USH2A: variants seen among roughly 807,000 people sequenced by gnomAD.
USH2A encodes usherin.
In USH2A, 443 loss-of-function variants were observed where a neutral mutation model predicts 538.9. That is an observed-to-expected ratio of 0.82 (90% CI 0.76 to 0.89). The LOEUF (loss-of-function observed/expected upper bound fraction) is 0.89. USH2A is among the 40% of genes least tolerant of loss of function. The pLI is 0.00. For missense variants in USH2A, 6,633 were observed against 6,324.8 expected (o/e 1.05, Z -1.65); for synonymous variants, 2,413 against 2,273.5 (o/e 1.06, Z -1.75).
At chr1:215,706,269 T>C (rs1659182367) in intron 61 of USH2A, among the ~76,000 whole-genome samples, 1 of 152,190 alleles carries the variant, frequency 6.6e-6, no homozygotes, top group Non-Finnish European at 1.5e-5. Context: ...TCTAATGCTA[T>C]TTCTTCATAC....
intron 21 of USH2A, among the ~76,000 whole-genome samples, chr1:216,117,276 C>A (rs1402283890): frequency 6.6e-6 from 1 of 152,082 alleles, no homozygotes; most frequent in Non-Finnish European, 1.5e-5. Context: ...ATATTTATCT[C>A]CAAATACGTA....
At chr1:215,642,922 G>C (rs774318986) in intron 67 of USH2A, among the ~76,000 whole-genome samples, 22 of 152,094 alleles carry the variant, frequency 1.4e-4, no homozygotes, top group Non-Finnish European at 2.8e-4. Context: ...GTGTTGTTAG[G>C]CTTCTTCTCC....
chr1:216,256,228 A>G (rs1054119755), intron 11 of USH2A, among the ~76,000 whole-genome samples: 3 of 151,300 alleles, frequency 2.0e-5, no homozygotes, highest in Admixed American at 2.0e-4. Flanking sequence ...TATTTAGAAT[A>G]TGTAAATTTA....
chr1:216,078,463 G>A (rs2031829652), intron 26 of USH2A, 101 bp from the exon 27 acceptor site: 1 of 1,135,346 alleles, frequency 8.8e-7, no homozygotes, highest in African/African-American at 1.5e-5. Context: ...AAGCAAAACA[G>A]TTCCCTGAAA....
At chr1:216,180,745 G>A (rs569534193) in intron 20 of USH2A, among the ~76,000 whole-genome samples, 5 of 152,212 alleles carry the variant, frequency 3.3e-5, no homozygotes, top group African/African-American at 1.2e-4. Flanking sequence ...TCAGGGGTGG[G>A]TGGGGAGCAG....
chr1:215,894,527 T>C (rs1398659195), intron 40 of USH2A, among the ~76,000 whole-genome samples: 1 of 152,134 alleles, frequency 6.6e-6, no homozygotes, highest in Non-Finnish European at 1.5e-5. Context: ...GTTGTGAGAA[T>C]AAAAACAGGA....
At chr1:216,244,489 C>T (rs1028028458) in intron 13 of USH2A, among the ~76,000 whole-genome samples, 8 of 151,970 alleles carry the variant, frequency 5.3e-5, no homozygotes, top group African/African-American at 1.9e-4. Context: ...CAGGAAAGAG[C>T]CATAGATTTG....
intron 64 of USH2A, among the ~76,000 whole-genome samples, chr1:215,655,050 A>G (rs1333016321): frequency 2.0e-5 from 3 of 152,228 alleles, no homozygotes; most frequent in Non-Finnish European, 4.4e-5. Context: ...TTGTCACAAT[A>G]TATTCCTTAG....
chr1:216,090,437 A>T (rs1274137133), intron 22 of USH2A, among the ~76,000 whole-genome samples: 1 of 150,746 alleles, frequency 6.6e-6, no homozygotes, highest in African/African-American at 2.4e-5. Flanking sequence ...AAAGTAAAAA[A>T]AAAAAAAAAA....
At position 216,009,537 on chromosome 1, in the gene USH2A, T is replaced by A. The variant is rs577327385; in HGVS notation, c.6326-8975A>T. 7.9e-5 allele frequency among the ~76,000 whole-genome samples: 12 copies of A among 152,262 alleles called. No homozygotes were observed. The East Asian group carries it at 2.1e-3, about 27-fold the overall frequency. The stretch of plus-strand genomic sequence containing the variant: ...CTTTTACACATCGGTCCCTTCCTAG[T>A]CTCTGTGCCCAGTGCAACTCGTCCC... On this transcript the variant is annotated intron_variant, in intron 32 of 71. Coordinates refer to ENST00000307340, the MANE Select transcript of USH2A (RefSeq NM_206933.4).
chr1:215,816,903 G>T, intron 48 of USH2A, 94 bp downstream of exon 48: 1 of 1,321,472 alleles, frequency 7.6e-7, no homozygotes, highest in Non-Finnish European at 1.1e-6. Context: ...TGGAAATATT[G>T]ATCATAATAC....
intron 52 of USH2A, among the ~76,000 whole-genome samples, chr1:215,785,519 T>A (rs1458742151): frequency 6.6e-6 from 1 of 152,200 alleles, no homozygotes; most frequent in Non-Finnish European, 1.5e-5. Flanking sequence ...GTAACTGAGA[T>A]AAGGTTTTAA....
At chr1:215,821,179 G>T (rs1663002843) in intron 47 of USH2A, among the ~76,000 whole-genome samples, 1 of 151,686 alleles carries the variant, frequency 6.6e-6, no homozygotes, top group Non-Finnish European at 1.5e-5. Flanking sequence ...ATTCTATAGT[G>T]GCTGTACAAA....
intron 61 of USH2A, among the ~76,000 whole-genome samples, chr1:215,689,450 T>A (rs569118292): frequency 6.6e-6 from 1 of 152,322 alleles, no homozygotes; most frequent in East Asian, 1.9e-4. Flanking sequence ...GAGACACACC[T>A]TAAGGTGACC....
At chr1:216,192,243 T>C (rs990492563) in intron 19 of USH2A, among the ~76,000 whole-genome samples, 3 of 152,160 alleles carry the variant, frequency 2.0e-5, no homozygotes, top group Non-Finnish European at 4.4e-5. Context: ...CTGGGAATTT[T>C]GGCTATTTAT....
intron 21 of USH2A, among the ~76,000 whole-genome samples, chr1:216,130,507 G>A (rs918970323): frequency 7.5e-5 from 11 of 146,860 alleles, no homozygotes; most frequent in African/African-American, 2.5e-4. Context: ...TTGTATGGCT[G>A]AGTAGTATTC....
chr1:216,334,951 A>G (rs1429570770), intron 4 of USH2A, among the ~76,000 whole-genome samples: 2 of 151,794 alleles, frequency 1.3e-5, no homozygotes, highest in Non-Finnish European at 3.0e-5. Context: ...AACCAATTAG[A>G]CTTAATAGAC....
At chr1:216,197,842 G>T (rs2034885814) in intron 18 of USH2A, among the ~76,000 whole-genome samples, 1 of 152,014 alleles carries the variant, frequency 6.6e-6, no homozygotes, top group Non-Finnish European at 1.5e-5. Context: ...TATAGATTTT[G>T]ATGTCCACGA....
intron 61 of USH2A, among the ~76,000 whole-genome samples, chr1:215,684,238 C>T (rs769223003): frequency 3.9e-5 from 6 of 152,156 alleles, no homozygotes; most frequent in Non-Finnish European, 8.8e-5. Flanking sequence ...TTTAACCTCT[C>T]GACTCAGCTC....
Sources: allele counts gnomAD v4.1 joint callset (sites outside exome capture counted in the v4.1 genomes callset), GRCh38; gene constraint gnomAD v4.1.1; transcripts MANE v1.5; gene names NCBI Gene and HGNC (gene_info 2026-07-23, HGNC 2026-07-21).